Variants in KANSL1 observed in about 807,000 individuals in gnomAD.
KANSL1 encodes the protein MLL1/MLL complex subunit KANSL1.
Under a neutral mutation model 103.6 loss-of-function variants are expected in KANSL1, and 22 were observed. The ratio of observed to expected loss-of-function variants is 0.21; its 90% CI spans 0.15 to 0.30. KANSL1 has a LOEUF of 0.30. Among genes scored for constraint, KANSL1 ranks in the 10% least tolerant of loss-of-function variants. The pLI is 1.00. For missense variants in KANSL1, 1,337 were observed against 1,399.8 expected, an observed-to-expected ratio of 0.96 and a Z score of 0.72; for synonymous variants, 600 against 527.6, an observed-to-expected ratio of 1.14 and a Z score of -1.88.
At chr17:46,142,618 C>CA (rs1219731789) in intron 2 of KANSL1, among the ~76,000 whole-genome samples, 1 of 115,738 alleles carries the variant, frequency 8.6e-6, no homozygotes, top group Non-Finnish European at 2.3e-5. Flanking sequence ...TGTATCAAAA[C>CA]AAAACAAAAC....
chr17:46,162,136 G>A (rs1372565388), intron 2 of KANSL1, among the ~76,000 whole-genome samples: 1 of 152,150 alleles, frequency 6.6e-6, no homozygotes, highest in East Asian at 1.9e-4. Flanking sequence ...TAAACTCAAT[G>A]TTTTCTTTAC....
At chr17:46,132,198 G>A (rs562701475) in intron 2 of KANSL1, among the ~76,000 whole-genome samples, 2 of 152,120 alleles carry the variant, frequency 1.3e-5, no homozygotes, top group African/African-American at 4.8e-5. Context: ...CAATTCATTT[G>A]GTCAAGAGAA....
chr17:46,064,589 T>C (rs62060792), intron 6 of KANSL1, among the ~76,000 whole-genome samples: 2 of 152,116 alleles, frequency 1.3e-5, no homozygotes, highest in African/African-American at 4.8e-5. Flanking sequence ...AGCCTTCATC[T>C]TACTGATCCT....
intron 1 of KANSL1, among the ~76,000 whole-genome samples, chr17:46,189,577 C>T (rs2047208684): frequency 6.6e-6 from 1 of 152,146 alleles, no homozygotes; most frequent in Non-Finnish European, 1.5e-5. Context: ...TGTTTTATAG[C>T]ACATTTTAAA....
chr17:46,138,568 G>A (rs1235013369), intron 2 of KANSL1, among the ~76,000 whole-genome samples: 1 of 152,196 alleles, frequency 6.6e-6, no homozygotes, highest in Non-Finnish European at 1.5e-5. Context: ...AATACTGAAG[G>A]ATAACTGTAT....
At chr17:46,110,625 G>A (rs1331226351) in intron 2 of KANSL1, among the ~76,000 whole-genome samples, 3 of 152,152 alleles carry the variant, frequency 2.0e-5, no homozygotes, top group Non-Finnish European at 4.4e-5. Context: ...GAGGAAGGGG[G>A]GAGATGACCC....
chr17:46,191,918 C>A (rs976872108), intron 1 of KANSL1, among the ~76,000 whole-genome samples: 2 of 151,336 alleles, frequency 1.3e-5, no homozygotes, highest in East Asian at 3.9e-4. Context: ...AAACTCCAGC[C>A]CCTACGAGTT....
At chr17:46,056,504 G>GT (rs1466154535) in intron 6 of KANSL1, among the ~76,000 whole-genome samples, 1 of 152,202 alleles carries the variant, frequency 6.6e-6, no homozygotes, top group Admixed American at 6.5e-5. Context: ...ACCTGATAGA[G>GT]TTGTTTTAAA....
chr17:46,224,319 C>T (rs1328598865), upstream of KANSL1, among the ~76,000 whole-genome samples: 1 of 151,798 alleles, frequency 6.6e-6, no homozygotes, highest in African/African-American at 2.4e-5. Flanking sequence ...AAAAGCAGAC[C>T]GAGCAACTTA....
At position 46,201,652 on chromosome 17, in the gene KANSL1, AT is replaced by A. The variant is rs1157085552; in HGVS notation, c.-90+22018del. Among the ~76,000 whole-genome samples the A allele has an allele frequency of 3.5e-5, 4 of 115,474 alleles. No individual in the cohort carries two copies. The South Asian group carries it at 7.0e-4, about 20-fold the overall frequency. 75.8% of individuals were successfully genotyped at this position (115,474 alleles called of 152,430 possible). On this transcript the variant is annotated intron_variant, in intron 1 of 14. Coordinates refer to the KANSL1 transcript ENST00000572904. ...TTTGGGAGACCAAGATGGGAGGATC[AT>A]TTGAGCCCTGGAGTTCAAAACCAGC...
intron 4 of KANSL1, among the ~76,000 whole-genome samples, chr17:46,077,433 C>T (rs537426621): frequency 1.3e-5 from 2 of 152,252 alleles, no homozygotes; most frequent in Middle Eastern, 3.4e-3. Context: ...TGATGTTAGG[C>T]GTTAGGTTTT....
At chr17:46,034,119 C>T (rs938246271) in intron 11 of KANSL1, 42 bp downstream of exon 11, 4 of 1,608,122 alleles carry the variant, frequency 2.5e-6, no homozygotes, top group African/African-American at 1.3e-5. Flanking sequence ...AGGGCAATAG[C>T]AGGAAGAATG....
At chr17:46,064,430 T>C (rs2078299544) in intron 6 of KANSL1, among the ~76,000 whole-genome samples, 1 of 152,216 alleles carries the variant, frequency 6.6e-6, no homozygotes, top group Admixed American at 6.5e-5. Flanking sequence ...TTGAAAATGT[T>C]ATCTACAATG....
chr17:46,047,290 A>G lies in KANSL1; in HGVS notation c.2020+3243T>C, dbSNP rs199638042. On this transcript the variant is annotated intron_variant, in intron 7 of 14. Coordinates refer to ENST00000432791, the MANE Select transcript of KANSL1 (RefSeq NM_015443.4). ...TTATCTAATGTTTGATCAACTGTCA[A>G]TTAGAAGGATTCTCTCTAGGACAAG... Among the ~76,000 whole-genome samples the G allele has an allele frequency of 3.9e-5, 6 of 152,354 alleles. No individual in the cohort carries two copies. The East Asian group carries it at 9.6e-4, about 24-fold the overall frequency.
intron 1 of KANSL1, among the ~76,000 whole-genome samples, chr17:46,182,280 T>TG (rs2046829850): frequency 1.3e-5 from 2 of 152,276 alleles, no homozygotes; most frequent in African/African-American, 4.8e-5. Context: ...GGGAAAGACG[T>TG]GGGGCATGAT....
intron 4 of KANSL1, among the ~76,000 whole-genome samples, chr17:46,072,364 G>A (rs1350776678): frequency 2.0e-5 from 3 of 152,106 alleles, no homozygotes; most frequent in Non-Finnish European, 1.5e-5. Flanking sequence ...TTTTTTAAAT[G>A]TATCACATTC....
At chr17:46,074,274 G>C (rs1362910355) in intron 4 of KANSL1, among the ~76,000 whole-genome samples, 1 of 152,126 alleles carries the variant, frequency 6.6e-6, no homozygotes, top group Non-Finnish European at 1.5e-5. Flanking sequence ...GATAACTGGA[G>C]CAACTGTATA....
At chr17:46,151,383 C>T (rs1331816836) in intron 2 of KANSL1, among the ~76,000 whole-genome samples, 1 of 152,212 alleles carries the variant, frequency 6.6e-6, no homozygotes, top group Non-Finnish European at 1.5e-5. Flanking sequence ...AGGTCTTGCT[C>T]ACACACTTCA....
intron 1 of KANSL1, among the ~76,000 whole-genome samples, chr17:46,200,444 T>TA (rs1010186548): frequency 6.6e-6 from 1 of 152,158 alleles, no homozygotes; most frequent in Admixed American, 6.5e-5. Flanking sequence ...AAACACACCT[T>TA]AAAAAATATC....
Sources: gnomAD v4.1 joint callset for allele counts (sites outside exome capture counted in the v4.1 genomes callset) on GRCh38, gnomAD v4.1.1 for gene constraint, MANE v1.5 for transcripts, NCBI Gene and HGNC (gene_info 2026-07-23, HGNC 2026-07-21) for gene names.